The following OR51B5 variants were observed in gnomAD, a reference collection of about 807,000 sequenced individuals.
The protein encoded by OR51B5 is olfactory receptor 51B5.
For missense variants in OR51B5, 456 were observed against 374.6 expected, an observed-to-expected ratio of 1.22 and a Z score of -1.79; for synonymous variants, 186 against 144.8, an observed-to-expected ratio of 1.28 and a Z score of -2.04.
chr11:5,470,063 A>G (rs2133800459), intron 1 of OR51B5, among the ~76,000 whole-genome samples: 1 of 152,292 alleles, frequency 6.6e-6, no homozygotes, highest in Middle Eastern at 3.4e-3. Context: ...TTTTGTTTTA[A>G]TCTCTGTTTA....
upstream of OR51B5, chr11:5,343,719 T>C (rs916721582): frequency 3.2e-5 from 15 of 467,960 alleles, no homozygotes; most frequent in East Asian, 4.9e-4. Context: ...TAACTGCACA[T>C]TCCAGGATCT....
At chr11:5,460,661 T>C (rs929986492) in intron 1 of OR51B5, among the ~76,000 whole-genome samples, 1 of 152,232 alleles carries the variant, frequency 6.6e-6, no homozygotes, top group African/African-American at 2.4e-5. Flanking sequence ...CTCTGGCCTT[T>C]AGAGTTACCA....
chr11:5,403,438 C>T (rs757088353), intron 1 of OR51B5: 7 of 471,446 alleles, frequency 1.5e-5, no homozygotes, highest in Non-Finnish European at 2.2e-5. Flanking sequence ...ATGGCCAATG[C>T]CTACCTCTTC....
chr11:5,401,463 G>A (rs1329684286), intron 1 of OR51B5, among the ~76,000 whole-genome samples: 1 of 152,206 alleles, frequency 6.6e-6, no homozygotes, highest in Non-Finnish European at 1.5e-5. Context: ...CTAGCCCAGT[G>A]TGGGTCCAAA....
At chr11:5,352,430 C>T (rs755497847) in intron 1 of OR51B5, 2 of 1,594,574 alleles carry the variant, frequency 1.3e-6, no homozygotes, top group East Asian at 2.2e-5. Flanking sequence ...TTCTCTCTGC[C>T]TCACTCTAGA....
At chr11:5,459,898 A>G (rs2133792732) in intron 1 of OR51B5, among the ~76,000 whole-genome samples, 1 of 152,352 alleles carries the variant, frequency 6.6e-6, no homozygotes, top group Non-Finnish European at 1.5e-5. Flanking sequence ...CCAAAGGTAT[A>G]TAAATTGTTC....
At chr11:5,403,852 G>T (rs1382224727) in intron 1 of OR51B5, among the ~76,000 whole-genome samples, 1 of 152,118 alleles carries the variant, frequency 6.6e-6, no homozygotes, top group Non-Finnish European at 1.5e-5. Context: ...TGAGGAAAAG[G>T]CACCTGGGAG....
chr11:5,406,831 C>T (rs1481113134), intron 1 of OR51B5, among the ~76,000 whole-genome samples: 1 of 151,934 alleles, frequency 6.6e-6, no homozygotes, highest in African/African-American at 2.4e-5. Context: ...AGGAATGTAT[C>T]AATTTAAAAG....
intron 1 of OR51B5, among the ~76,000 whole-genome samples, chr11:5,419,010 G>C (rs1354255699): frequency 2.0e-5 from 3 of 151,938 alleles, no homozygotes; most frequent in African/African-American, 4.8e-5. Context: ...CATTTTTTGA[G>C]TCATGTGCAG....
At chr11:5,351,691 G>C in intron 1 of OR51B5, 8 of 1,614,048 alleles carry the variant, frequency 5.0e-6, no homozygotes, top group Non-Finnish European at 6.8e-6. Context: ...CTATTTCTTA[G>C]CTATGTTGGC....
At chr11:5,407,358 C>G (rs550749715) in intron 1 of OR51B5, among the ~76,000 whole-genome samples, 5 of 152,256 alleles carry the variant, frequency 3.3e-5, no homozygotes, top group Admixed American at 2.0e-4. Flanking sequence ...TGGTATCATC[C>G]CCTCTTCCTG....
intron 1 of OR51B5, among the ~76,000 whole-genome samples, chr11:5,498,410 A>C (rs1443635826): frequency 6.6e-6 from 1 of 152,126 alleles, no homozygotes; most frequent in African/African-American, 2.4e-5. Context: ...CTTAATCTTA[A>C]TCTTAAGGCA....
intron 1 of OR51B5, chr11:5,489,418 C>A: frequency 6.2e-7 from 1 of 1,613,846 alleles, no homozygotes; most frequent in Middle Eastern, 1.7e-4. Context: ...TGATGCCCAG[C>A]ACAAAGCTCT....
chr11:5,467,124 G>T (rs1851149127), intron 1 of OR51B5, among the ~76,000 whole-genome samples: 3 of 152,160 alleles, frequency 2.0e-5, no homozygotes, highest in Admixed American at 6.5e-5. Context: ...AGCACTTAGA[G>T]CCTGCAAGTA....
At chr11:5,488,682 A>C in intron 1 of OR51B5, 1 of 1,492,570 alleles carries the variant, frequency 6.7e-7, no homozygotes, top group South Asian at 1.2e-5. Flanking sequence ...ACTATTCAGA[A>C]AGAGCCCTTC....
intron 1 of OR51B5, chr11:5,453,566 G>A: frequency 6.2e-7 from 1 of 1,611,110 alleles, no homozygotes. Flanking sequence ...CTCACTCCTG[G>A]CTGTCAGGGC....
intron 1 of OR51B5, chr11:5,489,317 C>A (rs1264447067): frequency 5.6e-6 from 9 of 1,614,064 alleles, no homozygotes; most frequent in Non-Finnish European, 7.6e-6. Context: ...TATGGGCTAA[C>A]TGTGGCTCTG....
At chr11:5,420,009 C>A (rs1004475292) in intron 1 of OR51B5, among the ~76,000 whole-genome samples, 2 of 111,756 alleles carry the variant, frequency 1.8e-5, no homozygotes, top group Non-Finnish European at 2.0e-5. Flanking sequence ...TAATTATAAT[C>A]TTTTGAAAAC....
intron 1 of OR51B5, among the ~76,000 whole-genome samples, chr11:5,382,457 A>G (rs531355255): frequency 6.6e-6 from 1 of 152,226 alleles, no homozygotes; most frequent in East Asian, 1.9e-4. Context: ...TTGTTTTCCT[A>G]TCTTATGTGT....
Sources: allele counts gnomAD v4.1 joint callset (sites outside exome capture counted in the v4.1 genomes callset), GRCh38; gene constraint gnomAD v4.1.1; transcripts MANE v1.5; gene names NCBI Gene and HGNC (gene_info 2026-07-23, HGNC 2026-07-21).